PIAS2: variants seen among roughly 807,000 people sequenced by gnomAD.
The protein encoded by PIAS2 is E3 SUMO-protein ligase PIAS2.
A neutral mutation model predicts 69.7 loss-of-function variants in PIAS2; 19 were observed. The ratio of observed to expected loss-of-function variants is 0.27; its 90% CI spans 0.19 to 0.40. The LOEUF (loss-of-function observed/expected upper bound fraction) is 0.40, where lower values mean the gene tolerates loss of function less well. Among genes scored for constraint, PIAS2 ranks in the 10% least tolerant of loss-of-function variants. The pLI is 1.00. For missense variants in PIAS2, 624 were observed against 757.0 expected (o/e 0.82, Z 2.06); for synonymous variants, 261 against 263.2 (o/e 0.99, Z 0.08).
chr18:46,887,433 T>C (rs2053392749), intron 2 of PIAS2, among the ~76,000 whole-genome samples: 1 of 152,018 alleles, frequency 6.6e-6, no homozygotes, highest in Admixed American at 6.5e-5. Context: ...TGACTGAAAA[T>C]AAAAAGGGTT....
intron 12 of PIAS2, chr18:46,817,179 G>T: frequency 1.0e-6 from 1 of 964,156 alleles, no homozygotes. Flanking sequence ...AGTTTCATAT[G>T]TTCAATCATC....
At chr18:46,907,392 T>A (rs1043107229) in intron 1 of PIAS2, 3 of 152,000 alleles carry the variant, frequency 2.0e-5, no homozygotes, top group Non-Finnish European at 4.4e-5. Context: ...GTGTCTAAAA[T>A]TAAAAGGGTA....
chr18:46,821,184 A>G, intron 11 of PIAS2, 112 bp from the exon 12 acceptor site: 1 of 1,003,642 alleles, frequency 1.0e-6, no homozygotes, highest in Non-Finnish European at 1.5e-6. Flanking sequence ...CAGCACAACT[A>G]TATGGCAGCT....
chr18:46,812,720 C>G (rs1370692530), intron 13 of PIAS2, 108 bp from the exon 14 acceptor site: 2 of 625,618 alleles, frequency 3.2e-6, no homozygotes, highest in Non-Finnish European at 5.4e-6. Flanking sequence ...ATTTAAATCC[C>G]AGTGGGATTT....
chr18:46,909,983 A>G (rs975742958), intron 1 of PIAS2, among the ~76,000 whole-genome samples: 1 of 152,102 alleles, frequency 6.6e-6, no homozygotes, highest in African/African-American at 2.4e-5. Flanking sequence ...CCTGGCCAAC[A>G]TGGTGAAAAC....
intron 10 of PIAS2, 87 bp downstream of exon 10, chr18:46,829,647 T>G: frequency 8.5e-7 from 1 of 1,171,152 alleles, no homozygotes; most frequent in Non-Finnish European, 1.2e-6. Context: ...CAAGCTGAAT[T>G]CCAAACGTAT....
chr18:46,824,839 C>CAA (rs35873943), intron 11 of PIAS2, among the ~76,000 whole-genome samples: 33 of 91,592 alleles, frequency 3.6e-4, no homozygotes, highest in Admixed American at 8.3e-4. Flanking sequence ...CCCATGTTTA[C>CAA]AAAAAAAAAA....
chr18:46,872,723 T>A (rs1386905071), intron 2 of PIAS2, among the ~76,000 whole-genome samples: 1 of 152,188 alleles, frequency 6.6e-6, no homozygotes, highest in Non-Finnish European at 1.5e-5. Flanking sequence ...GTCCTTACCT[T>A]TGCCTAAAAC....
chr18:46,838,221 T>C (rs2044742930), intron 8 of PIAS2, among the ~76,000 whole-genome samples: 1 of 152,232 alleles, frequency 6.6e-6, no homozygotes, highest in Non-Finnish European at 1.5e-5. Context: ...GTAACGTTTA[T>C]ATAGTTCTAC....
chr18:46,908,022 T>C (rs2146259723), intron 1 of PIAS2: 1 of 152,358 alleles, frequency 6.6e-6, no homozygotes, highest in South Asian at 2.1e-4. Flanking sequence ...GCTGGTAATG[T>C]TCTCTTTCTT....
At chr18:46,869,363 T>C (rs889946579) in intron 2 of PIAS2, among the ~76,000 whole-genome samples, 2 of 151,418 alleles carry the variant, frequency 1.3e-5, no homozygotes, top group Non-Finnish European at 2.9e-5. Flanking sequence ...ATCTCTAATA[T>C]GAGGAGGGAC....
chr18:46,860,074 T>TCTA (rs1309784867), intron 3 of PIAS2, among the ~76,000 whole-genome samples: 1 of 152,198 alleles, frequency 6.6e-6, no homozygotes, highest in African/African-American at 2.4e-5. Flanking sequence ...AAGCGTCTAG[T>TCTA]CTAGATCTTA....
intron 9 of PIAS2, 39 bp downstream of exon 9, chr18:46,836,318 G>C: frequency 6.6e-7 from 1 of 1,509,970 alleles, no homozygotes; most frequent in Non-Finnish European, 9.2e-7. Context: ...AACAGCTGTT[G>C]TATTAGTCCA....
intron 3 of PIAS2, among the ~76,000 whole-genome samples, chr18:46,858,306 G>A (rs913597432): frequency 6.6e-6 from 1 of 152,040 alleles, no homozygotes; most frequent in Non-Finnish European, 1.5e-5. Flanking sequence ...ATTAGAGTGT[G>A]TTTAAAGCAT....
intron 2 of PIAS2, among the ~76,000 whole-genome samples, chr18:46,880,625 G>C (rs1598757870): frequency 6.6e-6 from 1 of 152,136 alleles, no homozygotes; most frequent in East Asian, 1.9e-4. Flanking sequence ...TTTAAAAATT[G>C]GGACAAAAAA....
intron 2 of PIAS2, among the ~76,000 whole-genome samples, chr18:46,870,286 C>T (rs1360594217): frequency 6.7e-6 from 1 of 150,338 alleles, no homozygotes; most frequent in African/African-American, 2.5e-5. Context: ...TTTGTAAATG[C>T]TCCCCCTTCA....
At chr18:46,903,225 A>G (rs2056143556) in intron 1 of PIAS2, among the ~76,000 whole-genome samples, 1 of 151,396 alleles carries the variant, frequency 6.6e-6, no homozygotes, top group Admixed American at 6.6e-5. Flanking sequence ...ACAAACTAAA[A>G]CCTGTGCTAC....
chr18:46,818,495 A>G (rs1365959330), intron 12 of PIAS2: 24 of 1,491,030 alleles, frequency 1.6e-5, no homozygotes, highest in Non-Finnish European at 2.2e-5. Flanking sequence ...AGGAATGTTA[A>G]GAAATGTATT....
intron 9 of PIAS2, among the ~76,000 whole-genome samples, chr18:46,832,892 CAAA>C (rs34958166): frequency 1.9e-5 from 2 of 105,966 alleles, no homozygotes; most frequent in Admixed American, 1.0e-4. Flanking sequence ...CCTCTGTCTC[CAAA>C]AAAAAAAAAA....
Sources: allele counts gnomAD v4.1 joint callset (sites outside exome capture counted in the v4.1 genomes callset), GRCh38; gene constraint gnomAD v4.1.1; transcripts MANE v1.5; gene names NCBI Gene and HGNC (gene_info 2026-07-23, HGNC 2026-07-21).